The following MAP3K20 variants were observed in gnomAD, a reference collection of about 807,000 sequenced individuals.
MAP3K20 encodes the protein HCCS-4.
MAP3K20 carries 40 observed loss-of-function variants against 85.7 expected under a neutral mutation model. That is an observed-to-expected ratio of 0.47 (90% CI 0.36 to 0.61). The LOEUF (loss-of-function observed/expected upper bound fraction) is 0.61, where lower values mean the gene tolerates loss of function less well. Ranked by LOEUF, MAP3K20 falls within the 20% of genes least tolerant of loss-of-function variation. The probability of loss-of-function intolerance (pLI) is 0.00; values close to 1 mark genes in which losing one functional copy is unlikely to be tolerated. For missense variants in MAP3K20, 817 were observed against 961.7 expected, an observed-to-expected ratio of 0.85 and a Z score of 1.99; for synonymous variants, 325 against 327.7, an observed-to-expected ratio of 0.99 and a Z score of 0.09.
chr2:173,264,149 TGAA>T (rs1685358910), intron 19 of MAP3K20, among the ~76,000 whole-genome samples: 1 of 152,208 alleles, frequency 6.6e-6, no homozygotes. Flanking sequence ...CCAGACTTAC[TGAA>T]TCAGAACTCT....
chr2:173,139,050 T>C (rs1317462588), intron 2 of MAP3K20, among the ~76,000 whole-genome samples: 1 of 152,240 alleles, frequency 6.6e-6, no homozygotes, highest in Non-Finnish European at 1.5e-5. Flanking sequence ...CGTTTGAACT[T>C]GGTATCCTCA....
intron 11 of MAP3K20, chr2:173,221,281 A>C: frequency 1.9e-6 from 3 of 1,614,066 alleles, no homozygotes; most frequent in Non-Finnish European, 2.5e-6. Context: ...GCATGAACCC[A>C]AGTCTGCAGG....
intron 2 of MAP3K20, among the ~76,000 whole-genome samples, chr2:173,129,439 A>G (rs767750075): frequency 3.9e-5 from 6 of 152,338 alleles, no homozygotes; most frequent in East Asian, 3.9e-4. Flanking sequence ...AATGCTGCCA[A>G]TGGAAACTGT....
chr2:173,217,296 C>A, intron 11 of MAP3K20, 46 bp downstream of exon 11: 1 of 1,442,682 alleles, frequency 6.9e-7, no homozygotes, highest in South Asian at 1.7e-5. Flanking sequence ...CGGCTCTAGG[C>A]TGCGCAGCTG....
intron 10 of MAP3K20, chr2:173,215,527 A>G (rs1350289654): frequency 6.6e-6 from 1 of 152,148 alleles, no homozygotes; most frequent in African/African-American, 2.4e-5. Flanking sequence ...TTCTTTAGGG[A>G]CAGTAATGGG....
chr2:173,244,774 A>G (rs1464838131), intron 16 of MAP3K20, among the ~76,000 whole-genome samples: 9 of 152,216 alleles, frequency 5.9e-5, no homozygotes, highest in African/African-American at 2.2e-4. Flanking sequence ...TCAGTTCCCC[A>G]CACGAAAACC....
intron 2 of MAP3K20, among the ~76,000 whole-genome samples, chr2:173,132,882 A>G (rs1688657619): frequency 6.6e-6 from 1 of 152,248 alleles, no homozygotes; most frequent in Non-Finnish European, 1.5e-5. Context: ...CACAGTGCCT[A>G]GCACATAGTA....
Position 173,250,759 on chromosome 2 carries a change from G to A in MAP3K20, c.1360-7940G>A, listed in dbSNP as rs986410774. On this transcript the variant is annotated intron_variant, in intron 16 of 19. Transcript: ENST00000375213. ...GTTCCAGACCCTGCAACCTATACGCGCTGAAAGAGGTTATTAATGGAATTT... is the reference window on the plus strand; with the variant it reads ...GTTCCAGACCCTGCAACCTATACGCACTGAAAGAGGTTATTAATGGAATTT... Among the ~76,000 whole-genome samples the A allele has an allele frequency of 4.6e-5, 7 of 152,120 alleles. No individual in the cohort carries two copies. The East Asian group carries it at 5.8e-4, about 13-fold the overall frequency.
At position 173,263,763 on chromosome 2, in the gene MAP3K20, A is replaced by G; in HGVS notation, c.1570A>G (p.Lys524Glu). 6.2e-7 allele frequency: 1 copy of G among 1,608,348 alleles called. No individual in the cohort carries two copies. Among genetic ancestry groups the G allele is most frequent in the Non-Finnish European group, 8.5e-7 (1 of 1,178,604 alleles). ...TTACCAGAGTGATGTTAGAACTCCAAAAAGCACTAAACATGTCCATTCGAT... is the reference window on the plus strand; with the variant it reads ...TTACCAGAGTGATGTTAGAACTCCAGAAAGCACTAAACATGTCCATTCGAT... ...VTYESDVRTP[K>E]STKHVHSIQW... The change falls in exon 19 of 20, where the codon AAA becomes GAA. Residue 524 changes from lysine to glutamate, a missense_variant. Lys to Glu is a moderately conservative substitution (Grantham distance 56). Coordinates refer to ENST00000375213, the MANE Select transcript of MAP3K20 (RefSeq NM_016653.3).
chr2:173,149,572 T>G (rs1271818458), intron 2 of MAP3K20, among the ~76,000 whole-genome samples: 1 of 152,002 alleles, frequency 6.6e-6, no homozygotes, highest in African/African-American at 2.4e-5. Context: ...TTCCCCAGAT[T>G]TGTACTGTTT....
intron 16 of MAP3K20, among the ~76,000 whole-genome samples, chr2:173,246,952 CA>C (rs1684930230): frequency 6.6e-6 from 1 of 152,152 alleles, no homozygotes; most frequent in South Asian, 2.1e-4. Context: ...TTTCCTATTT[CA>C]AAGGGGCAAG....
chr2:173,094,737 T>C (rs1687410784), intron 2 of MAP3K20, among the ~76,000 whole-genome samples: 1 of 152,234 alleles, frequency 6.6e-6, no homozygotes, highest in East Asian at 1.9e-4. Flanking sequence ...AGGTTGTGTG[T>C]CCTTGGTGTG....
At chr2:173,169,685 A>C in intron 2 of MAP3K20, 120 bp from the exon 3 acceptor site, 1 of 917,516 alleles carries the variant, frequency 1.1e-6, no homozygotes, top group Non-Finnish European at 1.6e-6. Flanking sequence ...ACACCACTGT[A>C]CTCTAGCCTG....
intron 1 of MAP3K20, among the ~76,000 whole-genome samples, chr2:173,084,639 C>G (rs1573997859): frequency 6.6e-6 from 1 of 151,966 alleles, no homozygotes; most frequent in Non-Finnish European, 1.5e-5. Context: ...AATAATTGCT[C>G]TACAAAACTA....
chr2:173,110,051 A>G (rs1481955583), intron 2 of MAP3K20, among the ~76,000 whole-genome samples: 1 of 151,218 alleles, frequency 6.6e-6, no homozygotes, highest in East Asian at 1.9e-4. Flanking sequence ...AGGAATGTTT[A>G]ATGATCCTCC....
At chr2:173,150,206 A>T (rs544450364) in intron 2 of MAP3K20, among the ~76,000 whole-genome samples, 2 of 152,382 alleles carry the variant, frequency 1.3e-5, no homozygotes, top group South Asian at 2.1e-4. Context: ...AATTTCTGTC[A>T]ACATGGCAAT....
At chr2:173,104,642 A>C (rs1351593264) in intron 2 of MAP3K20, among the ~76,000 whole-genome samples, 1 of 152,126 alleles carries the variant, frequency 6.6e-6, no homozygotes, top group African/African-American at 2.4e-5. Flanking sequence ...ACATGGGGGG[A>C]AAACAGGGCA....
chr2:173,153,845 G>A (rs1167558446), intron 2 of MAP3K20, among the ~76,000 whole-genome samples: 1 of 152,076 alleles, frequency 6.6e-6, no homozygotes, highest in Non-Finnish European at 1.5e-5. Flanking sequence ...TAAATGCTCT[G>A]TAAGTAATTC....
At chr2:173,190,861 G>T (rs746104973) in intron 5 of MAP3K20, 34 bp from the exon 6 acceptor site, 1 of 1,552,518 alleles carries the variant, frequency 6.4e-7, no homozygotes, top group South Asian at 1.2e-5. Context: ...CAAATTAGAT[G>T]ATTGTCATAA....
Sources: allele counts gnomAD v4.1 joint callset (sites outside exome capture counted in the v4.1 genomes callset), GRCh38; gene constraint gnomAD v4.1.1; transcripts MANE v1.5; gene names NCBI Gene and HGNC (gene_info 2026-07-23, HGNC 2026-07-21).